The following POLH variants were observed in gnomAD, a reference collection of about 807,000 sequenced individuals.
The protein encoded by POLH is DNA polymerase eta, also known as DNA polymerase eta transcript.
In POLH, 53 loss-of-function variants were observed where a neutral mutation model predicts 73.6. The ratio of observed to expected loss-of-function variants is 0.72; its 90% CI spans 0.58 to 0.91. POLH has a LOEUF of 0.91. Ranked by LOEUF, POLH falls within the 40% of genes least tolerant of loss-of-function variation. The pLI is 0.00. For synonymous variants in POLH, 292 were observed against 308.5 expected (o/e 0.95, Z 0.56); for missense variants, 768 against 865.4 (o/e 0.89, Z 1.41).
chr6:43,609,105 A>T (rs1219465175), intron 9 of POLH, among the ~76,000 whole-genome samples: 1 of 152,090 alleles, frequency 6.6e-6, no homozygotes, highest in Non-Finnish European at 1.5e-5. Context: ...ATTCTCCAGG[A>T]GGTCCTCCCT....
intron 4 of POLH, among the ~76,000 whole-genome samples, chr6:43,590,313 G>A (rs763556511): frequency 6.7e-6 from 1 of 150,266 alleles, no homozygotes; most frequent in Non-Finnish European, 1.5e-5. Context: ...AGCTGAGATC[G>A]TACCACTGCA....
At chr6:43,577,232 C>T (rs533921670) in intron 1 of POLH, among the ~76,000 whole-genome samples, 2 of 152,316 alleles carry the variant, frequency 1.3e-5, no homozygotes, top group East Asian at 1.9e-4. Flanking sequence ...AACGGAAAAC[C>T]TCAACAGCTT....
chr6:43,578,841 T>C (rs774446029), intron 1 of POLH, among the ~76,000 whole-genome samples: 12 of 152,244 alleles, frequency 7.9e-5, no homozygotes, highest in Non-Finnish European at 1.8e-4. Context: ...TGATTCCGTA[T>C]TGGTTCTCTT....
At position 43,604,017 on chromosome 6, in the gene POLH, T is replaced by C. The variant is rs1311857063; in HGVS notation, c.884+6T>C. The C allele has an allele frequency of 1.2e-6, 2 of 1,611,568 alleles. No individual in the cohort carries two copies. Among genetic ancestry groups the C allele is most frequent in the Non-Finnish European group, 1.7e-6 (2 of 1,177,888 alleles). On this transcript the variant is annotated splice_donor_region_variant and intron_variant, in intron 7 of 10. Transcript: ENST00000372236. ...CATTTTGGGGAGAAGAATGGGTAAG[T>C]GATTCATTTTTTTTAAAATCATAAC...
intron 4 of POLH, among the ~76,000 whole-genome samples, chr6:43,595,864 C>G (rs1254320648): frequency 6.6e-6 from 1 of 151,178 alleles, no homozygotes; most frequent in Non-Finnish European, 1.5e-5. Flanking sequence ...TTTAAATTAC[C>G]TATTTTCCTG....
intron 4 of POLH, chr6:43,588,356 C>T (rs1765071057): frequency 7.4e-6 from 1 of 135,908 alleles, no homozygotes. Context: ...GTCTTTCCTT[C>T]CTTCCTTCTT....
intron 6 of POLH, among the ~76,000 whole-genome samples, chr6:43,601,931 G>A (rs1210960290): frequency 6.6e-6 from 1 of 152,132 alleles, no homozygotes; most frequent in African/African-American, 2.4e-5. Flanking sequence ...GGTGGCGGGT[G>A]CCTGTAATCC....
chr6:43,592,996 A>G (rs758560638), intron 4 of POLH, among the ~76,000 whole-genome samples: 47 of 152,156 alleles, frequency 3.1e-4, no homozygotes, highest in Non-Finnish European at 6.3e-4. Flanking sequence ...CCAGGATTAT[A>G]GGCGTGAGCC....
chr6:43,585,933 T>C (rs1413785956), intron 3 of POLH, among the ~76,000 whole-genome samples: 2 of 151,798 alleles, frequency 1.3e-5, no homozygotes, highest in African/African-American at 4.8e-5. Context: ...TGTGAACTGC[T>C]GCGCCCGATC....
At position 43,586,411 on chromosome 6, in the gene POLH, G is replaced by A. The variant is rs374252621; in HGVS notation, c.273-861G>A. On this transcript the variant is annotated intron_variant, in intron 3 of 10. Transcript: ENST00000372236. ...CAGGAGAATTGCTTGAACCCGGGAG[G>A]TGGAGGTTGCAGTGAGGCGAGATGC... Among the ~76,000 whole-genome samples the A allele has an allele frequency of 5.3e-4, 80 of 152,336 alleles. 2 individuals carry two copies. In the East Asian group the frequency reaches 0.012, roughly 22 times the overall value.
Position 43,618,387 on chromosome 6 carries a change from C to T in POLH, c.*3830C>T, listed in dbSNP as rs1002496452. Among the ~76,000 whole-genome samples the T allele has an allele frequency of 2.0e-5, 3 of 152,062 alleles. No homozygotes were observed. Among genetic ancestry groups the T allele is most frequent in the Admixed American group, 2.0e-4 (3 of 15,264 alleles). On this transcript the variant is annotated 3_prime_UTR_variant, in exon 11 of 11. Coordinates refer to ENST00000372236, the MANE Select transcript of POLH (RefSeq NM_006502.3). ...GCCAGGCTGGTCTCTATCTAGACCTCGTGATCCATCCGCCTCGGCCTCCCA... is the reference window on the plus strand; with the variant it reads ...GCCAGGCTGGTCTCTATCTAGACCTTGTGATCCATCCGCCTCGGCCTCCCA...
In POLH at chr6:43,578,006, G is replaced by A. The variant is rs117112292; in HGVS notation, c.-5+1566G>A. Among the ~76,000 whole-genome samples the A allele has an allele frequency of 2.2e-3, 330 of 151,420 alleles. 7 individuals are homozygous for A. The East Asian group carries it at 0.061, about 28-fold the overall frequency. Reference sequence around the variant, plus strand: ...TGAGGCAGAGGAATCACTTGAAACCGGGAGATGGAGGTTGCAGTGAGCTGA... The same window carrying A: ...TGAGGCAGAGGAATCACTTGAAACCAGGAGATGGAGGTTGCAGTGAGCTGA... On this transcript the variant is annotated intron_variant, in intron 1 of 10. Coordinates refer to ENST00000372236, the MANE Select transcript of POLH (RefSeq NM_006502.3).
chr6:43,619,821 A>G lies in POLH; in HGVS notation c.*5264A>G, dbSNP rs1450262799. On this transcript the variant is annotated 3_prime_UTR_variant, in exon 11 of 11. Coordinates refer to ENST00000372236, the MANE Select transcript of POLH (RefSeq NM_006502.3). Reference sequence around the variant, plus strand: ...GTTGTTCAACTACAGGCTTGTTAGTAGCAAGTTAAACCAGTTACATTTTAT... The same window carrying G: ...GTTGTTCAACTACAGGCTTGTTAGTGGCAAGTTAAACCAGTTACATTTTAT... 2.6e-5 allele frequency among the ~76,000 whole-genome samples: 4 copies of G among 152,220 alleles called. No individual in the cohort carries two copies. The highest frequency in any genetic ancestry group is 9.6e-5 in the African/African-American group (4 of 41,462).
At chr6:43,604,484 C>A in intron 7 of POLH, 131 bp from the exon 8 acceptor site, 1 of 933,714 alleles carries the variant, frequency 1.1e-6, no homozygotes, top group Non-Finnish European at 1.7e-6. Flanking sequence ...AGGTCCGGTA[C>A]ACTAAATTTT....
At position 43,613,954 on chromosome 6, in the gene POLH, A is replaced by G. The variant is rs540684746; in HGVS notation, c.1539A>G (p.Pro513=). Residue 513 remains proline (P), a synonymous_variant, in exon 11 of 11, where the codon CCA becomes CCG. Transcript: ENST00000372236. ...APTQAPMSNS[P]SKPSLPFQTS... is the part of the protein sequence containing the mutation. ...CTCAGGCTCCCATGAGCAATTCACC[A>G]TCCAAGCCCTCATTACCTTTTCAAA... 3.1e-5 allele frequency: 50 copies of G among 1,614,026 alleles called. No homozygotes were observed. The East Asian group carries it at 8.7e-4, about 28-fold the overall frequency.
chr6:43,620,488 A>T lies in POLH; in HGVS notation c.*5931A>T. On this transcript the variant is annotated 3_prime_UTR_variant, in exon 11 of 11. Coordinates refer to ENST00000372236, the MANE Select transcript of POLH (RefSeq NM_006502.3). ...GAGCCTGTAGCTAACGCATAAGCAC[A>T]GTGTATTCAATAAAACATTTTTATT... 3.2e-6 allele frequency: 1 copy of T among 313,990 alleles called. No individual in the cohort carries two copies. Among genetic ancestry groups the T allele is most frequent in the Non-Finnish European group, 6.1e-6 (1 of 162,694 alleles). The allele number at this position is 313,990 out of a possible 1,614,324, so 19.5% of individuals were successfully genotyped here.
In POLH at chr6:43,614,658, A is replaced by C; in HGVS notation, c.*101A>C. On this transcript the variant is annotated 3_prime_UTR_variant, in exon 11 of 11. Coordinates refer to ENST00000372236, the MANE Select transcript of POLH (RefSeq NM_006502.3). ...ACAGATTTCCCTGAGAAAGGGAATT[A>C]TGAAATTTTTAATACAAAAAATAAT... 1 of 1,106,816 alleles carries C rather than the reference A, an allele frequency of 9.0e-7. No individual in the cohort carries two copies. Among genetic ancestry groups the C allele is most frequent in the Non-Finnish European group, 1.3e-6 (1 of 774,846 alleles). The allele number at this position is 1,106,816 out of a possible 1,614,324, so 68.6% of individuals were successfully genotyped here. A position where few individuals can be genotyped will look rare whatever the true frequency, so the allele number is the denominator to read the frequency against.
intron 7 of POLH, among the ~76,000 whole-genome samples, chr6:43,604,325 C>G (rs548082680): frequency 9.2e-5 from 14 of 152,190 alleles, no homozygotes; most frequent in Non-Finnish European, 1.6e-4. Flanking sequence ...CCCTAGCAAG[C>G]ACACACACAT....
rs542892924 is a variant in POLH, at chr6:43,588,993, G to A, written c.490+1504G>A. On this transcript the variant is annotated intron_variant, in intron 4 of 10. Coordinates refer to ENST00000372236, the MANE Select transcript of POLH (RefSeq NM_006502.3). ...GCTGGGATTACGGGCGCCCGCCACC[G>A]CGCCCGGCTAATTTTTTTGTATTTT... is the stretch of plus-strand genomic sequence containing the variant. Among the ~76,000 whole-genome samples the A allele has an allele frequency of 6.6e-5, 10 of 151,928 alleles. No homozygotes were observed. The South Asian group carries it at 8.3e-4, about 13-fold the overall frequency.
Sources: gnomAD v4.1 joint callset for allele counts (sites outside exome capture counted in the v4.1 genomes callset) on GRCh38, gnomAD v4.1.1 for gene constraint, MANE v1.5 for transcripts, NCBI Gene and HGNC (gene_info 2026-07-23, HGNC 2026-07-21) for gene names.